ADAM32: variants seen among roughly 807,000 people sequenced by gnomAD.
ADAM32 encodes ADAM metallopeptidase domain 32, also known as disintegrin and metalloproteinase domain-containing protein 32.
ADAM32 carries 89 observed loss-of-function variants against 114.9 expected under a neutral mutation model. The observed-to-expected ratio is 0.77, with a 90% CI of 0.65 to 0.92. The LOEUF is 0.92. ADAM32 is among the 40% of genes least tolerant of loss of function. The probability of loss-of-function intolerance (pLI) is 0.00; values close to 1 mark genes in which losing one functional copy is unlikely to be tolerated. For synonymous variants in ADAM32, 285 were observed against 307.5 expected (o/e 0.93, Z 0.77); for missense variants, 870 against 932.8 (o/e 0.93, Z 0.88).
chr8:39,197,569 TGACCCAATG>T (rs1278467562), intron 11 of ADAM32, among the ~76,000 whole-genome samples: 1 of 152,208 alleles, frequency 6.6e-6, no homozygotes, highest in African/African-American at 2.4e-5. Flanking sequence ...ATTTATTCAT[TGACCCAATG>T]GTTATTCAGG....
chr8:39,242,857 A>C (rs1035209157), intron 16 of ADAM32, among the ~76,000 whole-genome samples: 4 of 152,168 alleles, frequency 2.6e-5, no homozygotes, highest in African/African-American at 9.6e-5. Context: ...TGGTTCTTTG[A>C]AAAGATAAAC....
intron 10 of ADAM32, among the ~76,000 whole-genome samples, chr8:39,171,037 G>A (rs1391956523): frequency 1.3e-5 from 2 of 152,102 alleles, no homozygotes; most frequent in African/African-American, 4.8e-5. Context: ...AGGTTCAAGC[G>A]ATTCTCATGT....
At chr8:39,222,403 G>A (rs932209802) in intron 13 of ADAM32, among the ~76,000 whole-genome samples, 1 of 151,888 alleles carries the variant, frequency 6.6e-6, no homozygotes, top group Non-Finnish European at 1.5e-5. Context: ...TCTTACTTCT[G>A]TAATCTTTTT....
chr8:39,188,946 A>G (rs1190973299), intron 11 of ADAM32, among the ~76,000 whole-genome samples: 1 of 152,172 alleles, frequency 6.6e-6, no homozygotes, highest in African/African-American at 2.4e-5. Flanking sequence ...AATTAGTTAC[A>G]TATTTCAATT....
intron 17 of ADAM32, among the ~76,000 whole-genome samples, chr8:39,251,069 T>A (rs1219430355): frequency 6.6e-6 from 1 of 151,956 alleles, no homozygotes; most frequent in East Asian, 1.9e-4. Flanking sequence ...TATTTATTCA[T>A]CTATTCATGG....
chr8:39,195,112 C>T (rs576498617), intron 11 of ADAM32, among the ~76,000 whole-genome samples: 1 of 152,264 alleles, frequency 6.6e-6, no homozygotes, highest in South Asian at 2.1e-4. Flanking sequence ...CAGCTTCCTC[C>T]CCCTTCAGCC....
intron 6 of ADAM32, chr8:39,158,165 C>T (rs1804256595): frequency 5.5e-6 from 1 of 183,316 alleles, no homozygotes; most frequent in Non-Finnish European, 1.1e-5. Context: ...GTCACAGTGC[C>T]TCTGTTCACC....
intron 18 of ADAM32, 24 bp from the exon 19 acceptor site, chr8:39,257,149 ATTTTTTTGTTTTTT>A (rs1564700120): frequency 6.8e-7 from 1 of 1,472,636 alleles, no homozygotes; most frequent in Admixed American, 2.4e-5. Context: ...AGATAGTTTA[ATTTTTTTGTTTTTT>A]TTTTTTTGTA....
chr8:39,237,182 C>T lies in ADAM32; in HGVS notation c.1818+3100C>T, dbSNP rs115269624. ...CAAACCATAAAAGTAGAAGAAGCAG[C>T]GGGAAGAGCCTTGTAGGCACTCCCA... On this transcript the variant is annotated intron_variant, in intron 16 of 24. Coordinates refer to ENST00000379907, the MANE Select transcript of ADAM32 (RefSeq NM_145004.7). Among the ~76,000 whole-genome samples, 744 of 152,070 alleles carry T rather than the reference C, an allele frequency of 4.9e-3. 9 individuals carry two copies. Among genetic ancestry groups the T allele is most frequent in the African/African-American group, 0.016 (673 of 41,488 alleles).
intron 11 of ADAM32, among the ~76,000 whole-genome samples, chr8:39,201,593 T>C (rs1486021056): frequency 6.6e-6 from 1 of 152,232 alleles, no homozygotes; most frequent in Non-Finnish European, 1.5e-5. Context: ...TTTGACTTCC[T>C]CTTTTCCTAA....
Position 39,232,057 on chromosome 8 carries a change from A to G in ADAM32, c.1556A>G (p.Glu519Gly). 2 of 1,612,396 alleles carry G rather than the reference A, an allele frequency of 1.2e-6. No homozygotes were observed. The highest frequency in any genetic ancestry group is 1.7e-6 in the Non-Finnish European group (2 of 1,179,014). Residue 519 changes from glutamate to glycine, a missense_variant, in exon 15 of 25, where the codon GAA becomes GGA. Physicochemically the swap from Glu to Gly is moderately conservative, Grantham distance 98. Transcript: ENST00000379907. ...GSRNAPFACY[E>G]EIQSQSDRFG... Reference sequence around the variant, plus strand: ...AGAAATGCTCCATTTGCCTGCTATGAAGAAATACAATCTCAATCAGACAGA... The same window carrying G: ...AGAAATGCTCCATTTGCCTGCTATGGAGAAATACAATCTCAATCAGACAGA...
intron 17 of ADAM32, 83 bp downstream of exon 17, chr8:39,246,249 C>A: frequency 1.6e-6 from 2 of 1,249,872 alleles, no homozygotes; most frequent in South Asian, 2.6e-5. Flanking sequence ...TTTTTTGGGT[C>A]ACTACCATGT....
intron 11 of ADAM32, among the ~76,000 whole-genome samples, chr8:39,188,738 A>G (rs1049269116): frequency 6.6e-6 from 1 of 152,178 alleles, no homozygotes; most frequent in Non-Finnish European, 1.5e-5. Flanking sequence ...TTGAGCCTGT[A>G]TTAGTAAACC....
At chr8:39,234,476 C>A (rs10087956) in intron 16 of ADAM32, among the ~76,000 whole-genome samples, 12,935 of 152,124 alleles carry the variant, frequency 0.085, 1,883 homozygotes, top group African/African-American at 0.29. Context: ...TTAGATCAGG[C>A]TGCTTAGATA....
At chr8:39,280,374 A>G (rs976149871) in intron 22 of ADAM32, among the ~76,000 whole-genome samples, 1 of 152,142 alleles carries the variant, frequency 6.6e-6, no homozygotes. Flanking sequence ...CTATGTATCT[A>G]ATAGAAAGGA....
chr8:39,130,686 A>G (rs1358905415), intron 2 of ADAM32, among the ~76,000 whole-genome samples: 3 of 152,080 alleles, frequency 2.0e-5, no homozygotes, highest in Admixed American at 2.0e-4. Flanking sequence ...TAAATTTTCA[A>G]ATTTTTGAGG....
intron 11 of ADAM32, among the ~76,000 whole-genome samples, chr8:39,203,545 T>G (rs1216792296): frequency 1.3e-5 from 2 of 152,214 alleles, no homozygotes; most frequent in Non-Finnish European, 2.9e-5. Flanking sequence ...GAGATGGGTC[T>G]CCTGAATACA....
At chr8:39,163,038 T>C (rs1804610084) in intron 7 of ADAM32, among the ~76,000 whole-genome samples, 1 of 152,160 alleles carries the variant, frequency 6.6e-6, no homozygotes, top group South Asian at 2.1e-4. Context: ...ATCATAGTAT[T>C]CATATTTTCT....
chr8:39,284,002 A>G (rs534602008), intron 24 of ADAM32, among the ~76,000 whole-genome samples: 2 of 151,898 alleles, frequency 1.3e-5, no homozygotes, highest in Admixed American at 1.3e-4. Context: ...TTGAACTCCT[A>G]ACCTCAGGTG....
Sources: gnomAD v4.1 joint callset for allele counts (sites outside exome capture counted in the v4.1 genomes callset) on GRCh38, gnomAD v4.1.1 for gene constraint, MANE v1.5 for transcripts, NCBI Gene and HGNC (gene_info 2026-07-23, HGNC 2026-07-21) for gene names.